The following SMAD3 variants were observed in gnomAD, a reference collection of about 807,000 sequenced individuals.
The protein encoded by SMAD3 is SMAD family member 3.
In SMAD3, 12 loss-of-function variants were observed where a neutral mutation model predicts 51.8. That is an observed-to-expected ratio of 0.23 (90% CI 0.15 to 0.38). SMAD3 has a LOEUF of 0.38. Among genes scored for constraint, SMAD3 ranks in the 10% least tolerant of loss-of-function variants. The pLI is 1.00. For synonymous variants in SMAD3, 238 were observed against 227.7 expected (o/e 1.05, Z -0.41); for missense variants, 294 against 565.6 (o/e 0.52, Z 4.87).
intron 1 of SMAD3, among the ~76,000 whole-genome samples, chr15:67,107,965 T>TCCTCCCC (rs1960916459): frequency 8.0e-6 from 1 of 124,640 alleles, no homozygotes; most frequent in African/African-American, 3.2e-5. Flanking sequence ...TGCTCTCCTC[T>TCCTCCCC]CCCCCCCACC....
intron 1 of SMAD3, among the ~76,000 whole-genome samples, chr15:67,075,444 G>C (rs74687488): frequency 6.6e-6 from 1 of 152,194 alleles, no homozygotes; most frequent in East Asian, 1.9e-4. Context: ...AGCAGGAGAG[G>C]GGGAGGACAG....
At chr15:67,066,714 C>T (rs894035972) in intron 1 of SMAD3, among the ~76,000 whole-genome samples, 10 of 152,152 alleles carry the variant, frequency 6.6e-5, no homozygotes, top group African/African-American at 9.7e-5. Flanking sequence ...TTGTTCGGCT[C>T]CGCGGGCCGG....
At chr15:67,182,907 C>A (rs1458081813) in intron 6 of SMAD3, among the ~76,000 whole-genome samples, 1 of 147,628 alleles carries the variant, frequency 6.8e-6, no homozygotes, top group African/African-American at 2.5e-5. Context: ...TGGGCTCAAG[C>A]TATCCTCCCA....
At chr15:67,147,056 A>T (rs1436658666) in intron 1 of SMAD3, 1 of 152,256 alleles carries the variant, frequency 6.6e-6, no homozygotes, top group African/African-American at 2.4e-5. Flanking sequence ...CTGTTTGAGA[A>T]TTCAGTGATT....
intron 5 of SMAD3, among the ~76,000 whole-genome samples, chr15:67,171,714 C>CCT (rs1962756997): frequency 6.6e-6 from 1 of 152,162 alleles, no homozygotes; most frequent in African/African-American, 2.4e-5. Flanking sequence ...AACAGGCTGA[C>CCT]CTGGGCAGTG....
At chr15:67,162,568 AGG>A (rs1962457762) in intron 1 of SMAD3, among the ~76,000 whole-genome samples, 1 of 152,180 alleles carries the variant, frequency 6.6e-6, no homozygotes, top group Non-Finnish European at 1.5e-5. Flanking sequence ...TTTAGAAAAC[AGG>A]AGAAGCCTTT....
intron 6 of SMAD3, 81 bp from the exon 7 acceptor site, chr15:67,184,645 CT>C: frequency 1.3e-6 from 2 of 1,551,350 alleles, no homozygotes; most frequent in Non-Finnish European, 1.8e-6. Context: ...GCTGTTCTGC[CT>C]CCTTTGCGAG....
In SMAD3 at chr15:67,106,917, G is replaced by A. The variant is rs1296753616; in HGVS notation, c.206+40557G>A. Among the ~76,000 whole-genome samples, 11 of 152,270 alleles carry A rather than the reference G, an allele frequency of 7.2e-5. No individual in the cohort carries two copies. In the Middle Eastern group the frequency reaches 0.014, roughly 188 times the overall value. ...TTTATTACCCCAGGGGACCCAGAAC[G>A]GTGGTATCAAAACATATCATTCCCC... On this transcript the variant is annotated intron_variant, in intron 1 of 8. Transcript: ENST00000327367.
chr15:67,107,269 A>C (rs1960899896), intron 1 of SMAD3, among the ~76,000 whole-genome samples: 1 of 152,150 alleles, frequency 6.6e-6, no homozygotes. Flanking sequence ...AGGCACAGTG[A>C]CTGTGATAGC....
chr15:67,161,179 G>A (rs1430356489), intron 1 of SMAD3, among the ~76,000 whole-genome samples: 4 of 152,134 alleles, frequency 2.6e-5, no homozygotes, highest in African/African-American at 9.7e-5. Flanking sequence ...ATTTGTTGAA[G>A]ACTGTCCTTG....
chr15:67,137,229 T>A (rs1961689950), intron 1 of SMAD3, among the ~76,000 whole-genome samples: 1 of 152,228 alleles, frequency 6.6e-6, no homozygotes, highest in Non-Finnish European at 1.5e-5. Flanking sequence ...TCCCAGTAGA[T>A]GTTCCTATTT....
At chr15:67,096,475 T>C (rs1384290958) in intron 1 of SMAD3, among the ~76,000 whole-genome samples, 1 of 152,216 alleles carries the variant, frequency 6.6e-6, no homozygotes, top group African/African-American at 2.4e-5. Flanking sequence ...CATCACACAA[T>C]ATAAATAGGA....
intron 1 of SMAD3, 73 bp from the exon 2 acceptor site, chr15:67,164,822 A>G: frequency 6.7e-7 from 1 of 1,486,728 alleles, no homozygotes; most frequent in Non-Finnish European, 9.4e-7. Flanking sequence ...GTCTGAAAGT[A>G]GGAGGCCGGA....
chr15:67,144,196 GTTA>G (rs1961912361), intron 1 of SMAD3, among the ~76,000 whole-genome samples: 3 of 151,882 alleles, frequency 2.0e-5, no homozygotes. Context: ...CTGATCTGCT[GTTA>G]TTATACATTA....
chr15:67,104,081 G>A (rs1310830615), intron 1 of SMAD3, among the ~76,000 whole-genome samples: 1 of 152,122 alleles, frequency 6.6e-6, no homozygotes, highest in Non-Finnish European at 1.5e-5. Flanking sequence ...TGGTTTTGTT[G>A]TGGCAGCGCT....
intron 1 of SMAD3, among the ~76,000 whole-genome samples, chr15:67,074,231 G>A (rs1225693682): frequency 6.6e-6 from 1 of 152,228 alleles, no homozygotes; most frequent in African/African-American, 2.4e-5. Context: ...GGATGAAGAT[G>A]TGGAGGCTGT....
In SMAD3 at chr15:67,193,355, A is replaced by T. The variant is rs1963414628; in HGVS notation, c.*2819A>T. On this transcript the variant is annotated 3_prime_UTR_variant, in exon 9 of 9. Transcript: ENST00000327367. ...TTGCAGCTTGTGCTGAGACTGACCC[A>T]AGTGCAGCTAGCACTGGGACACAGA... The T allele has an allele frequency of 4.3e-6, 1 of 233,390 alleles. No individual in the cohort carries two copies. The highest frequency in any genetic ancestry group is 5.6e-5 in the Admixed American group (1 of 17,774). The allele number at this position is 233,390 out of a possible 1,614,324, so 14.5% of individuals were successfully genotyped here. A position where few individuals can be genotyped will look rare whatever the true frequency, so the allele number is the denominator to read the frequency against.
At chr15:67,165,576 C>T (rs1198922015) in intron 3 of SMAD3, among the ~76,000 whole-genome samples, 192 bp downstream of exon 3, 1 of 152,368 alleles carries the variant, frequency 6.6e-6, no homozygotes, top group East Asian at 1.9e-4. Context: ...CTCAGCTCCC[C>T]CCTCACTAGT....
intron 1 of SMAD3, among the ~76,000 whole-genome samples, chr15:67,163,944 TAAAA>T (rs57803788): frequency 8.0e-5 from 7 of 87,914 alleles, no homozygotes; most frequent in South Asian, 4.3e-4. Context: ...GTATCAAAAG[TAAAA>T]AAAAAAAAAA....
Sources: allele counts gnomAD v4.1 joint callset (sites outside exome capture counted in the v4.1 genomes callset), GRCh38; gene constraint gnomAD v4.1.1; transcripts MANE v1.5; gene names NCBI Gene and HGNC (gene_info 2026-07-23, HGNC 2026-07-21).